The following SUGCT variants were observed in gnomAD, a reference collection of about 807,000 sequenced individuals.
SUGCT encodes succinyl-CoA:glutarate-CoA transferase.
SUGCT carries 41 observed loss-of-function variants against 55.0 expected under a neutral mutation model. The ratio of observed to expected loss-of-function variants is 0.74; its 90% CI spans 0.58 to 0.97. The LOEUF is 0.97. Among genes scored for constraint, SUGCT ranks in the 50% least tolerant of loss-of-function variants. The pLI is 0.00. For missense variants in SUGCT, 568 were observed against 547.8 expected (o/e 1.04, Z -0.37); for synonymous variants, 187 against 200.4 (o/e 0.93, Z 0.56).
chr7:40,508,904 C>T (rs1792767717), intron 12 of SUGCT, among the ~76,000 whole-genome samples: 2 of 152,204 alleles, frequency 1.3e-5, no homozygotes, highest in South Asian at 2.1e-4. Context: ...TTCCTACACC[C>T]TCAAGAATGT....
chr7:40,982,276 C>G, the SUGCT span, among the ~76,000 whole-genome samples: 2 of 152,270 alleles, frequency 1.3e-5, no homozygotes, highest in East Asian at 1.9e-4. Flanking sequence ...TTCAGTTCAC[C>G]ACTGATCATT....
intron 7 of SUGCT, among the ~76,000 whole-genome samples, chr7:40,264,551 A>G (rs1004782318): frequency 1.1e-3 from 170 of 152,204 alleles, no homozygotes; most frequent in African/African-American, 3.7e-3. Flanking sequence ...GTGCACGGAA[A>G]CCCTCATTTG....
intron 11 of SUGCT, among the ~76,000 whole-genome samples, chr7:40,460,096 G>T (rs1222483613): frequency 6.6e-6 from 1 of 152,136 alleles, no homozygotes; most frequent in African/African-American, 2.4e-5. Context: ...ATACATCAAA[G>T]TTATAAGAAC....
At chr7:40,894,591 A>G in the SUGCT span, among the ~76,000 whole-genome samples, 1 of 152,316 alleles carries the variant, frequency 6.6e-6, no homozygotes, top group Non-Finnish European at 1.5e-5. Flanking sequence ...TTATATCCAG[A>G]ATCTATAAGG....
At chr7:40,914,082 C>T in the SUGCT span, among the ~76,000 whole-genome samples, 19 of 143,666 alleles carry the variant, frequency 1.3e-4, no homozygotes, top group East Asian at 3.6e-3. Flanking sequence ...TTAGCTTACT[C>T]TTGAGTTAGC....
intron 6 of SUGCT, among the ~76,000 whole-genome samples, chr7:40,225,540 G>T (rs1788289989): frequency 6.6e-6 from 1 of 151,360 alleles, no homozygotes; most frequent in South Asian, 2.1e-4. Flanking sequence ...GGGTATAAGC[G>T]ATTCTCCTGC....
chr7:41,014,316 G>C, the SUGCT span, among the ~76,000 whole-genome samples: 1 of 152,302 alleles, frequency 6.6e-6, no homozygotes, highest in Middle Eastern at 3.4e-3. Flanking sequence ...TCATTCCCAT[G>C]AAACTTTCAG....
At chr7:40,382,535 A>G (rs1784922405) in intron 9 of SUGCT, among the ~76,000 whole-genome samples, 1 of 152,132 alleles carries the variant, frequency 6.6e-6, no homozygotes, top group South Asian at 2.1e-4. Context: ...AAGAAGATTG[A>G]AGTATTTTGC....
chr7:40,847,251 T>TCTTA (rs1793603352), intron 13 of SUGCT, among the ~76,000 whole-genome samples: 1 of 121,436 alleles, frequency 8.2e-6, no homozygotes, highest in African/African-American at 2.8e-5. Flanking sequence ...CAAATGTATT[T>TCTTA]CTTACACTAC....
At chr7:41,021,100 A>G in the SUGCT span, among the ~76,000 whole-genome samples, 15 of 152,218 alleles carry the variant, frequency 9.9e-5, no homozygotes, top group Non-Finnish European at 4.4e-5. Context: ...GCAAAGTACA[A>G]CAAGCTTGCA....
chr7:40,390,313 G>A (rs1271059133), intron 9 of SUGCT, among the ~76,000 whole-genome samples: 4 of 152,096 alleles, frequency 2.6e-5, no homozygotes, highest in African/African-American at 7.2e-5. Flanking sequence ...AGAAATAAAC[G>A]GTATTCAATT....
At chr7:40,986,267 T>C in the SUGCT span, among the ~76,000 whole-genome samples, 2 of 152,248 alleles carry the variant, frequency 1.3e-5, no homozygotes, top group South Asian at 4.1e-4. Flanking sequence ...TCATGTGTCA[T>C]TGAGCTAAAT....
intron 13 of SUGCT, among the ~76,000 whole-genome samples, chr7:40,805,153 T>C (rs1791026012): frequency 6.6e-6 from 1 of 152,178 alleles, no homozygotes; most frequent in Non-Finnish European, 1.5e-5. Flanking sequence ...AATTTTCCCA[T>C]GCCTGCTTAA....
the SUGCT span, among the ~76,000 whole-genome samples, chr7:40,977,171 G>T: frequency 6.6e-6 from 1 of 152,200 alleles, no homozygotes; most frequent in African/African-American, 2.4e-5. Flanking sequence ...CCGTGAATGG[G>T]TTTCCTCATT....
chr7:40,429,037 G>A (rs1787750106), intron 9 of SUGCT, among the ~76,000 whole-genome samples: 1 of 151,910 alleles, frequency 6.6e-6, no homozygotes, highest in African/African-American at 2.4e-5. Context: ...AAGGTATGCA[G>A]CATGATGTTA....
chr7:40,318,835 G>T (rs999729864), intron 9 of SUGCT, among the ~76,000 whole-genome samples: 12 of 152,310 alleles, frequency 7.9e-5, no homozygotes, highest in African/African-American at 2.9e-4. Context: ...TGTTCACTGT[G>T]TTCAAGCATA....
chr7:40,977,736 C>T, the SUGCT span, among the ~76,000 whole-genome samples: 5 of 152,140 alleles, frequency 3.3e-5, no homozygotes, highest in Admixed American at 3.3e-4. Context: ...TGTCTTGTTT[C>T]TCTGGTTCCC....
intron 9 of SUGCT, among the ~76,000 whole-genome samples, chr7:40,362,101 C>T (rs148014912): frequency 5.3e-4 from 80 of 152,140 alleles, no homozygotes; most frequent in African/African-American, 1.8e-3. Flanking sequence ...GTGGCTGCAT[C>T]ACCTTCTTGA....
chr7:40,304,829 G>C (rs1794763681), intron 8 of SUGCT, among the ~76,000 whole-genome samples: 1 of 151,394 alleles, frequency 6.6e-6, no homozygotes, highest in Non-Finnish European at 1.5e-5. Context: ...CACATAAACA[G>C]AATTAAAAAC....
Sources: gnomAD v4.1 joint callset for allele counts (sites outside exome capture counted in the v4.1 genomes callset) on GRCh38, gnomAD v4.1.1 for gene constraint, MANE v1.5 for transcripts, NCBI Gene and HGNC (gene_info 2026-07-23, HGNC 2026-07-21) for gene names.